Variants in IGSF10 observed in about 807,000 individuals in gnomAD.
IGSF10 encodes immunoglobulin superfamily member 10.
IGSF10 carries 126 observed loss-of-function variants against 128.2 expected under a neutral mutation model. The ratio of observed to expected loss-of-function variants is 0.98; its 90% CI spans 0.85 to 1.14. The LOEUF (loss-of-function observed/expected upper bound fraction) is 1.14, where lower values mean the gene tolerates loss of function less well. IGSF10 is among the 50% of genes most tolerant of loss of function. The pLI, the probability that IGSF10 is intolerant of heterozygous loss-of-function variation, is 0.00. For synonymous variants in IGSF10, 1,185 were observed against 1,146.2 expected, an observed-to-expected ratio of 1.03 and a Z score of -0.68; for missense variants, 3,295 against 3,149.8, an observed-to-expected ratio of 1.05 and a Z score of -1.10.
At chr3:151,609,840 G>A in the IGSF10 span, among the ~76,000 whole-genome samples, 7 of 152,122 alleles carry the variant, frequency 4.6e-5, no homozygotes, top group Admixed American at 6.6e-5. Context: ...GACTGCTGGT[G>A]GGGAGAGAGA....
At chr3:151,483,155 C>CA in the IGSF10 span, among the ~76,000 whole-genome samples, 1 of 151,932 alleles carries the variant, frequency 6.6e-6, no homozygotes, top group South Asian at 2.1e-4. Context: ...TGGAATGTGC[C>CA]AATATTGTAA....
rs1332648683 is a variant in IGSF10, at chr3:151,445,880, G to C, written c.4101C>G (p.Gly1367=). 6.2e-7 allele frequency: 1 copy of C among 1,614,092 alleles called. No individual in the cohort carries two copies. The highest frequency in any genetic ancestry group is 8.5e-7 in the Non-Finnish European group (1 of 1,180,044). The change falls in exon 6 of 8, where the codon GGC becomes GGG. Residue 1367 remains glycine, a synonymous_variant. Coordinates refer to ENST00000282466, the MANE Select transcript of IGSF10 (RefSeq NM_178822.5). ...GTGTCATAGCAGTGGGTGTAGTGAA[G>C]CCAGAACTCTGGTCTGGAGAGATGT... ...DPNISPDQSS[G]FTTPTAMTPP...
At chr3:151,444,884 A>G (rs1721087336) in intron 6 of IGSF10, 35 bp downstream of exon 6, 2 of 1,521,708 alleles carry the variant, frequency 1.3e-6, no homozygotes, top group African/African-American at 2.8e-5. Context: ...TTGTTTTCTA[A>G]CAAAAACTAA....
At chr3:151,456,008 G>A (rs974985389) in intron 4 of IGSF10, among the ~76,000 whole-genome samples, 1 of 152,190 alleles carries the variant, frequency 6.6e-6, no homozygotes, top group East Asian at 1.9e-4. Context: ...ACATAGAAGA[G>A]CTTTGCCCCA....
At chr3:151,544,790 T>C in the IGSF10 span, among the ~76,000 whole-genome samples, 2 of 152,074 alleles carry the variant, frequency 1.3e-5, no homozygotes, top group Non-Finnish European at 2.9e-5. Context: ...CCCTTCAATC[T>C]GAAGATTTTT....
chr3:151,586,386 A>T, the IGSF10 span, among the ~76,000 whole-genome samples: 4 of 152,210 alleles, frequency 2.6e-5, no homozygotes, highest in African/African-American at 9.6e-5. Context: ...CATCACCAAC[A>T]TTAGAAGAAC....
the IGSF10 span, among the ~76,000 whole-genome samples, chr3:151,528,088 A>G: frequency 6.6e-6 from 1 of 152,078 alleles, no homozygotes; most frequent in Non-Finnish European, 1.5e-5. Flanking sequence ...TTTTTTTCCT[A>G]GTATCATGCT....
In IGSF10 at chr3:151,448,276, C is replaced by T; in HGVS notation, c.1705G>A (p.Val569Ile). ...TGATAGGCTTCGACCAAAGGTTCTA[C>T]CACAGTTATCCTATAGGTGAGAATA... Reference protein sequence around the residue: ...ADILTYRITVVEPLVEAYQEN... With the variant: ...ADILTYRITVIEPLVEAYQEN... The change falls in exon 6 of 8, where the codon GTA becomes ATA. Residue 569 changes from valine (V) to isoleucine (I), a missense_variant. Transcript: ENST00000282466. 1 of 1,614,228 alleles carries T rather than the reference C, an allele frequency of 6.2e-7. No homozygotes were observed. Among genetic ancestry groups the T allele is most frequent in the Non-Finnish European group, 8.5e-7 (1 of 1,180,032 alleles).
chr3:151,441,547 C>G (rs753681763), intron 7 of IGSF10, among the ~76,000 whole-genome samples: 2 of 152,128 alleles, frequency 1.3e-5, no homozygotes. Context: ...ATCTTCAACT[C>G]CTAAGCATGA....
the IGSF10 span, among the ~76,000 whole-genome samples, chr3:151,596,058 A>T: frequency 6.6e-6 from 1 of 152,162 alleles, no homozygotes; most frequent in African/African-American, 2.4e-5. Flanking sequence ...CAAATGTATT[A>T]AAAAATCACA....
the IGSF10 span, among the ~76,000 whole-genome samples, chr3:151,575,344 G>A: frequency 2.0e-5 from 3 of 152,172 alleles, no homozygotes; most frequent in Admixed American, 6.5e-5. Context: ...AGTCTACAGA[G>A]GCAGGCAGGC....
upstream of IGSF10, among the ~76,000 whole-genome samples, chr3:151,463,523 G>GTTTTTTTTTTTTGTTTTTTT (rs1553837067): frequency 5.8e-4 from 18 of 31,270 alleles, 5 homozygotes; most frequent in South Asian, 2.6e-3. Flanking sequence ...ACATTTTCTG[G>GTTTTTTTTTTTTGTTTTTTT]TTTTTTTTTT....
At chr3:151,573,802 T>A in the IGSF10 span, among the ~76,000 whole-genome samples, 1 of 152,244 alleles carries the variant, frequency 6.6e-6, no homozygotes, top group Non-Finnish European at 1.5e-5. Context: ...GCCTGTTAGT[T>A]GATGCAGTTT....
At chr3:151,557,359 G>T in the IGSF10 span, among the ~76,000 whole-genome samples, 1 of 152,110 alleles carries the variant, frequency 6.6e-6, no homozygotes. Flanking sequence ...CTCTGGTGTG[G>T]TGCCAACTCC....
chr3:151,483,453 T>A, the IGSF10 span, among the ~76,000 whole-genome samples: 6 of 151,812 alleles, frequency 4.0e-5, no homozygotes, highest in Admixed American at 3.9e-4. Context: ...AAGAAAGGAA[T>A]CAAAGCTTAG....
the IGSF10 span, among the ~76,000 whole-genome samples, chr3:151,564,645 A>G: frequency 6.6e-6 from 1 of 152,098 alleles, no homozygotes; most frequent in Non-Finnish European, 1.5e-5. Flanking sequence ...AGTTTTTACC[A>G]GTTTGCTTTG....
upstream of IGSF10, among the ~76,000 whole-genome samples, chr3:151,463,526 T>TTTTTTTTTTG (rs1560185426): frequency 7.3e-4 from 39 of 53,274 alleles, 6 homozygotes; most frequent in East Asian, 2.7e-3. Context: ...TTTTCTGGTT[T>TTTTTTTTTTG]TTTTTTTTTT....
At chr3:151,491,651 A>G in the IGSF10 span, among the ~76,000 whole-genome samples, 1 of 152,188 alleles carries the variant, frequency 6.6e-6, no homozygotes, top group Non-Finnish European at 1.5e-5. Context: ...GAGATTGAGT[A>G]AGTAATAAAA....
chr3:151,432,667 A>C, downstream of IGSF10: 1 of 956,238 alleles, frequency 1.0e-6, no homozygotes. Context: ...TGCAGCTGGT[A>C]CTGAGAGCAG....
Sources: gnomAD v4.1 joint callset for allele counts (sites outside exome capture counted in the v4.1 genomes callset) on GRCh38, gnomAD v4.1.1 for gene constraint, MANE v1.5 for transcripts, NCBI Gene and HGNC (gene_info 2026-07-23, HGNC 2026-07-21) for gene names.